GPC5: variants seen among roughly 807,000 people sequenced by gnomAD.
GPC5 encodes the protein glypican 5.
A neutral mutation model predicts 53.9 loss-of-function variants in GPC5; 47 were observed. The observed-to-expected ratio is 0.87, with a 90% CI of 0.69 to 1.11. The LOEUF is 1.11. Among genes scored for constraint, GPC5 ranks in the 50% most tolerant of loss-of-function variants. GPC5 has a pLI of 0.00. For missense variants in GPC5, 748 were observed against 713.1 expected (o/e 1.05, Z -0.56); for synonymous variants, 286 against 263.3 (o/e 1.09, Z -0.84).
At chr13:92,467,719 A>G (rs1183275643) in intron 7 of GPC5, among the ~76,000 whole-genome samples, 1 of 152,134 alleles carries the variant, frequency 6.6e-6, no homozygotes, top group Non-Finnish European at 1.5e-5. Flanking sequence ...GCTGGGCTAC[A>G]CTGCCTCTCA....
chr13:92,404,582 C>A (rs1356518743), intron 7 of GPC5, among the ~76,000 whole-genome samples: 2 of 152,002 alleles, frequency 1.3e-5, no homozygotes, highest in East Asian at 1.9e-4. Flanking sequence ...CAAATTAAGA[C>A]CTTGAACAAA....
At position 91,693,178 on chromosome 13, in the gene GPC5, G is replaced by A. The variant is rs377621988; in HGVS notation, c.326-9G>A. The A allele has an allele frequency of 1.9e-6, 3 of 1,600,994 alleles. No homozygotes were observed. Among genetic ancestry groups the A allele is most frequent in the African/African-American group, 2.7e-5 (2 of 74,522 alleles). On this transcript the variant is annotated splice_polypyrimidine_tract_variant and intron_variant, in intron 2 of 7. Transcript: ENST00000377067. ...ACCTTCTCATGTTTTACCTCTGCTT[G>A]TGTTACAGAAACCCTTGAAACTCTC...
rs1885797840 is a variant in GPC5, at chr13:92,647,067, A to G, written c.1562-219215A>G. 5.3e-5 allele frequency among the ~76,000 whole-genome samples: 8 copies of G among 151,800 alleles called. No individual in the cohort carries two copies. The South Asian group carries it at 1.5e-3, about 28-fold the overall frequency. The stretch of plus-strand genomic sequence containing the variant: ...ATTTTCTAAATAGCTAACATCTGTT[A>G]ATAAAGACAGTTTTGTTTTTCCCAG... On this transcript the variant is annotated intron_variant, in intron 7 of 7. Transcript: ENST00000377067.
intron 7 of GPC5, among the ~76,000 whole-genome samples, chr13:92,423,231 G>T (rs1412694750): frequency 2.0e-5 from 3 of 152,098 alleles, no homozygotes; most frequent in African/African-American, 7.2e-5. Context: ...TGAAGATTAG[G>T]TTTCAACACA....
intron 7 of GPC5, among the ~76,000 whole-genome samples, chr13:92,359,345 A>G (rs2043547564): frequency 6.6e-6 from 1 of 151,686 alleles, no homozygotes; most frequent in African/African-American, 2.4e-5. Context: ...TTTATTGTCC[A>G]TATCACTATC....
chr13:92,385,713 A>ATG (rs1240719460), intron 7 of GPC5, among the ~76,000 whole-genome samples: 4 of 143,190 alleles, frequency 2.8e-5, no homozygotes, highest in Non-Finnish European at 6.0e-5. Context: ...ATATATACAC[A>ATG]TATATACATA....
chr13:92,288,156 G>GA (rs2042969151), intron 7 of GPC5, among the ~76,000 whole-genome samples: 1 of 151,626 alleles, frequency 6.6e-6, no homozygotes, highest in Non-Finnish European at 1.5e-5. Context: ...TGTTTCTGTT[G>GA]ATTTTCTTTA....
chr13:91,480,616 C>G (rs751478139), intron 2 of GPC5, among the ~76,000 whole-genome samples: 6 of 152,146 alleles, frequency 3.9e-5, no homozygotes, highest in Non-Finnish European at 5.9e-5. Flanking sequence ...ACAATTTCTA[C>G]TAGGTTCTTT....
intron 4 of GPC5, among the ~76,000 whole-genome samples, chr13:91,734,524 A>C (rs1191381482): frequency 6.6e-6 from 1 of 151,434 alleles, no homozygotes; most frequent in Non-Finnish European, 1.5e-5. Context: ...TTGGGATAAA[A>C]GTCAGTACAG....
intron 6 of GPC5, among the ~76,000 whole-genome samples, chr13:91,960,734 C>A (rs1443695804): frequency 6.6e-6 from 1 of 151,578 alleles, no homozygotes; most frequent in Non-Finnish European, 1.5e-5. Flanking sequence ...AATGATGAGC[C>A]CAGAAATAAA....
chr13:92,818,904 C>T (rs1205127265), intron 7 of GPC5, among the ~76,000 whole-genome samples: 5 of 151,964 alleles, frequency 3.3e-5, no homozygotes, highest in African/African-American at 1.2e-4. Flanking sequence ...GTAGACAGTT[C>T]ACATAGTGAA....
chr13:92,183,456 A>T (rs2042162100), intron 7 of GPC5, among the ~76,000 whole-genome samples: 1 of 152,156 alleles, frequency 6.6e-6, no homozygotes, highest in Non-Finnish European at 1.5e-5. Context: ...TTTATTATAT[A>T]TCCAGTCCTG....
chr13:91,673,634 A>G (rs1481277960), intron 2 of GPC5, among the ~76,000 whole-genome samples: 1 of 152,198 alleles, frequency 6.6e-6, no homozygotes, highest in Non-Finnish European at 1.5e-5. Flanking sequence ...AAATACCACC[A>G]CAGAGAAGCG....
intron 7 of GPC5, among the ~76,000 whole-genome samples, chr13:92,436,897 A>G (rs1430834427): frequency 6.6e-6 from 1 of 152,222 alleles, no homozygotes; most frequent in African/African-American, 2.4e-5. Flanking sequence ...AACACAATGA[A>G]TATTTCAAGG....
intron 7 of GPC5, among the ~76,000 whole-genome samples, chr13:92,304,261 G>A (rs1227035638): frequency 6.6e-6 from 1 of 150,852 alleles, no homozygotes; most frequent in East Asian, 2.0e-4. Context: ...CTGGAGTGCA[G>A]TGGCAGGATC....
At chr13:92,181,726 T>A (rs1338690898) in intron 7 of GPC5, among the ~76,000 whole-genome samples, 1 of 152,184 alleles carries the variant, frequency 6.6e-6, no homozygotes, top group East Asian at 1.9e-4. Context: ...AGTTTGATGT[T>A]TGTGTATTGT....
chr13:91,926,265 G>T (rs955115601), intron 6 of GPC5, among the ~76,000 whole-genome samples: 1 of 151,538 alleles, frequency 6.6e-6, no homozygotes, highest in Non-Finnish European at 1.5e-5. Context: ...GGAGGCTGAG[G>T]CAGGAGAATC....
chr13:92,589,437 C>A (rs1594327242), intron 7 of GPC5, among the ~76,000 whole-genome samples: 1 of 152,116 alleles, frequency 6.6e-6, no homozygotes, highest in African/African-American at 2.4e-5. Context: ...TTTTATTCCC[C>A]AGCTTTATTC....
intron 5 of GPC5, among the ~76,000 whole-genome samples, chr13:91,792,624 G>C (rs551735146): frequency 6.6e-6 from 1 of 152,064 alleles, no homozygotes; most frequent in Non-Finnish European, 1.5e-5. Context: ...AGCCTAGCAG[G>C]GTATTTTTTT....
Sources: gnomAD v4.1 joint callset for allele counts (sites outside exome capture counted in the v4.1 genomes callset) on GRCh38, gnomAD v4.1.1 for gene constraint, MANE v1.5 for transcripts, NCBI Gene and HGNC (gene_info 2026-07-23, HGNC 2026-07-21) for gene names.